Variants in MGAT4A observed in about 807,000 individuals in gnomAD.
MGAT4A encodes alpha-1,3-mannosyl-glycoprotein 4-beta-N-acetylglucosaminyltransferase A.
In MGAT4A, 33 loss-of-function variants were observed where a neutral mutation model predicts 74.1. The ratio of observed to expected loss-of-function variants is 0.45; its 90% confidence interval spans 0.34 to 0.60. The LOEUF is 0.60. Among genes scored for constraint, MGAT4A ranks in the 20% least tolerant of loss-of-function variants. MGAT4A has a pLI of 0.02. For missense variants in MGAT4A, 479 were observed against 628.3 expected (o/e 0.76, Z 2.54); for synonymous variants, 198 against 210.4 (o/e 0.94, Z 0.51).
chr2:98,675,034 C>A lies in MGAT4A; in HGVS notation c.403+1G>T, dbSNP rs776665641. ...TGCAGTAAGAAACAAAATAAACATA[C>A]CTCCTGTTCTTCCGTTGCCAATCTG... On this transcript the variant is annotated splice_donor_variant, in intron 4 of 15. Coordinates refer to ENST00000393487, the MANE Select transcript of MGAT4A (RefSeq NM_012214.3). LOFTEE classifies it high-confidence loss of function. The A allele has an allele frequency of 1.2e-6, 2 of 1,608,720 alleles. No homozygotes were observed. Among genetic ancestry groups the A allele is most frequent in the South Asian group, 1.1e-5 (1 of 89,520 alleles).
At chr2:98,669,015 A>T (rs778917097) in intron 4 of MGAT4A, among the ~76,000 whole-genome samples, 1 of 152,180 alleles carries the variant, frequency 6.6e-6, no homozygotes, top group Non-Finnish European at 1.5e-5. Flanking sequence ...ACAGGCTCAT[A>T]GGTGGAAGGG....
At chr2:98,702,992 G>A (rs1702373030) in intron 2 of MGAT4A, among the ~76,000 whole-genome samples, 1 of 152,100 alleles carries the variant, frequency 6.6e-6, no homozygotes, top group Non-Finnish European at 1.5e-5. Flanking sequence ...AGACAGCAAA[G>A]GAAAAAGAAA....
chr2:98,678,248 A>AT lies in MGAT4A; in HGVS notation c.262+55_262+56insA, dbSNP rs1434415656. The AT allele has an allele frequency of 5.7e-3, 2,175 of 379,506 alleles. 28 individuals are homozygous for AT. The highest frequency in any genetic ancestry group is 0.043 in the African/African-American group (1,644 of 38,462). The allele number at this position is 379,506 out of a possible 1,614,324, so 23.5% of individuals were successfully genotyped here. A position where few individuals can be genotyped will look rare whatever the true frequency, so the allele number is the denominator to read the frequency against. On this transcript the variant is annotated intron_variant, in intron 3 of 15. Transcript: ENST00000393487. Reference sequence around the variant, plus strand: ...CTGTCTCAAAGAAAAAAAAAAAAAAAAATATATATATATATATATAAAATC... The same window carrying AT: ...CTGTCTCAAAGAAAAAAAAAAAAAAATAATATATATATATATATATAAAATC...
At chr2:98,667,154 A>G (rs1701844703) in intron 4 of MGAT4A, among the ~76,000 whole-genome samples, 1 of 152,200 alleles carries the variant, frequency 6.6e-6, no homozygotes, top group African/African-American at 2.4e-5. Flanking sequence ...GCCTTCTGCC[A>G]TGATTGTGAG....
intron 2 of MGAT4A, among the ~76,000 whole-genome samples, chr2:98,681,250 G>A (rs571932367): frequency 6.6e-6 from 1 of 152,032 alleles, no homozygotes; most frequent in Non-Finnish European, 1.5e-5. Context: ...CAAAGTGCTG[G>A]GATTACAGAC....
intron 4 of MGAT4A, among the ~76,000 whole-genome samples, chr2:98,673,883 C>T (rs1019418615): frequency 5.9e-5 from 9 of 152,000 alleles, no homozygotes; most frequent in African/African-American, 2.2e-4. Flanking sequence ...AATCAACATT[C>T]TAAAAAAAAC....
At chr2:98,683,543 C>T (rs1476217724) in intron 2 of MGAT4A, among the ~76,000 whole-genome samples, 1 of 150,574 alleles carries the variant, frequency 6.6e-6, no homozygotes, top group Non-Finnish European at 1.5e-5. Flanking sequence ...CTCTTCATTT[C>T]ATCATTTTTT....
intron 5 of MGAT4A, among the ~76,000 whole-genome samples, chr2:98,662,047 G>A (rs1165176884): frequency 1.3e-5 from 2 of 152,200 alleles, no homozygotes; most frequent in East Asian, 3.8e-4. Context: ...GCTAAGGCAT[G>A]AGAACCGCTA....
intron 2 of MGAT4A, among the ~76,000 whole-genome samples, chr2:98,717,462 A>C (rs540586496): frequency 7.2e-5 from 11 of 152,232 alleles, no homozygotes; most frequent in Middle Eastern, 3.4e-3. Context: ...ATGGGATCCT[A>C]GATTGGACTC....
chr2:98,625,672 A>G, intron 15 of MGAT4A, 51 bp downstream of exon 15: 1 of 1,564,956 alleles, frequency 6.4e-7, no homozygotes, highest in African/African-American at 1.4e-5. Flanking sequence ...AAATAAAAAC[A>G]TAATAAAAAT....
Position 98,622,877 on chromosome 2 carries a change from G to A in MGAT4A, c.*2689C>T, listed in dbSNP as rs1701081460. On this transcript the variant is annotated 3_prime_UTR_variant, in exon 16 of 16. Coordinates refer to ENST00000393487, the MANE Select transcript of MGAT4A (RefSeq NM_012214.3). ...GAGTTAAGAGAGAGAAAGGGGGCTG[G>A]ACATGGTGGCACACACCTATAATCC... The A allele has an allele frequency of 1.0e-6, 1 of 985,718 alleles. No individual in the cohort carries two copies. Among genetic ancestry groups the A allele is most frequent in the Non-Finnish European group, 1.2e-6 (1 of 830,274 alleles). The allele number at this position is 985,718 out of a possible 1,614,324, so 61.1% of individuals were successfully genotyped here. A position where few individuals can be genotyped will look rare whatever the true frequency, so the allele number is the denominator to read the frequency against.
intron 2 of MGAT4A, among the ~76,000 whole-genome samples, chr2:98,691,610 G>A (rs772678949): frequency 7.2e-5 from 11 of 152,192 alleles, no homozygotes; most frequent in Non-Finnish European, 1.2e-4. Flanking sequence ...ATTATGTACA[G>A]TACACACTTG....
At chr2:98,681,797 A>G (rs1702063936) in intron 2 of MGAT4A, among the ~76,000 whole-genome samples, 1 of 152,190 alleles carries the variant, frequency 6.6e-6, no homozygotes. Context: ...TAGTAAAAAA[A>G]GAGTTTTTTT....
intron 14 of MGAT4A, among the ~76,000 whole-genome samples, chr2:98,631,828 G>C (rs992458726): frequency 3.3e-5 from 5 of 152,188 alleles, no homozygotes; most frequent in Admixed American, 3.3e-4. Flanking sequence ...TGATAAGGCA[G>C]GGGGTCTAAT....
At chr2:98,644,689 A>C (rs1701459724) in intron 9 of MGAT4A, among the ~76,000 whole-genome samples, 1 of 151,524 alleles carries the variant, frequency 6.6e-6, no homozygotes, top group African/African-American at 2.4e-5. Context: ...GCTGGAATGC[A>C]GGGGCGCGAT....
intron 4 of MGAT4A, among the ~76,000 whole-genome samples, chr2:98,665,606 A>C (rs1701818265): frequency 6.6e-6 from 1 of 152,276 alleles, no homozygotes; most frequent in Admixed American, 6.5e-5. Flanking sequence ...CTAGGTGTTA[A>C]GCATACAATG....
At chr2:98,670,513 A>G (rs1701897806) in intron 4 of MGAT4A, among the ~76,000 whole-genome samples, 1 of 152,236 alleles carries the variant, frequency 6.6e-6, no homozygotes, top group Non-Finnish European at 1.5e-5. Flanking sequence ...GTAAAAAAAG[A>G]ATTAGGAAAA....
chr2:98,647,311 TTTA>T (rs1404557247), intron 8 of MGAT4A, among the ~76,000 whole-genome samples: 2 of 152,114 alleles, frequency 1.3e-5, no homozygotes, highest in East Asian at 1.9e-4. Flanking sequence ...GTGCTCTTTT[TTTA>T]TTTTTATTTT....
rs115042572 is a variant in MGAT4A at position 98,709,257 on chromosome 2, A to G, written c.94+16982T>C. ...AAACACCAACTCTAAGCTTGTTTTC[A>G]GTCTATAAGCTACAGGCTTATTTCC... is the stretch of plus-strand genomic sequence containing the variant. On this transcript the variant is annotated intron_variant, in intron 2 of 15. Coordinates refer to ENST00000393487, the MANE Select transcript of MGAT4A (RefSeq NM_012214.3). 2.1e-3 allele frequency among the ~76,000 whole-genome samples: 319 copies of G among 152,292 alleles called. 1 individual carries two copies. Among genetic ancestry groups the G allele is most frequent in the African/African-American group, 7.4e-3 (307 of 41,560 alleles).
Sources: allele counts gnomAD v4.1 joint callset (sites outside exome capture counted in the v4.1 genomes callset), GRCh38; gene constraint gnomAD v4.1.1; transcripts MANE v1.5; gene names NCBI Gene and HGNC (gene_info 2026-07-23, HGNC 2026-07-21).